Variants in SYTL2 observed in about 807,000 individuals in gnomAD.
The protein encoded by SYTL2 is synaptotagmin-like protein 2.
Under a neutral mutation model 198.7 loss-of-function variants are expected in SYTL2, and 165 were observed. The observed-to-expected ratio is 0.83, with a 90% confidence interval of 0.73 to 0.94. SYTL2 has a LOEUF of 0.94. Ranked by LOEUF, SYTL2 falls within the 40% of genes least tolerant of loss-of-function variation. The probability of loss-of-function intolerance (pLI) is 0.00; values close to 1 mark genes in which losing one functional copy is unlikely to be tolerated. For missense variants in SYTL2, 2,835 were observed against 2,582.8 expected (o/e 1.10, Z -2.12); for synonymous variants, 966 against 917.7 (o/e 1.05, Z -0.95).
the SYTL2 span, among the ~76,000 whole-genome samples, chr11:85,818,140 T>C: frequency 0.12 from 18,262 of 151,936 alleles, 1,357 homozygotes; most frequent in Middle Eastern, 0.16. Context: ...TGACCTCAAG[T>C]GATCCACCTG....
chr11:85,817,310 C>A, the SYTL2 span, among the ~76,000 whole-genome samples: 1 of 152,106 alleles, frequency 6.6e-6, no homozygotes, highest in Non-Finnish European at 1.5e-5. Flanking sequence ...GTTACTTACC[C>A]AAGGATACAC....
intron 7 of SYTL2, among the ~76,000 whole-genome samples, chr11:85,730,571 C>T (rs529710934): frequency 1.3e-5 from 2 of 152,212 alleles, no homozygotes; most frequent in East Asian, 3.9e-4. Context: ...CCTCAATAAA[C>T]TAGGTATTGA....
rs565587466 is a variant in SYTL2, at chr11:85,723,724, C to A, written c.5326+308G>T. Among the ~76,000 whole-genome samples the A allele has an allele frequency of 6.6e-5, 10 of 151,970 alleles. No homozygotes were observed. The East Asian group carries it at 1.7e-3, about 26-fold the overall frequency. ...GAAGTCAACTCAGACTCTGAAACAG[C>A]CTTATAGGAAAGCTGTTTTACGTAA... On this transcript the variant is annotated intron_variant, in intron 8 of 19. Coordinates refer to ENST00000359152, the MANE Select transcript of SYTL2 (RefSeq NM_206927.4).
intron 1 of SYTL2, among the ~76,000 whole-genome samples, chr11:85,786,108 G>A (rs183837349): frequency 6.6e-6 from 1 of 152,158 alleles, no homozygotes; most frequent in African/African-American, 2.4e-5. Context: ...CAACTTGGAT[G>A]AATCTCAAGG....
At chr11:85,835,926 A>C in the SYTL2 span, among the ~76,000 whole-genome samples, 1 of 152,154 alleles carries the variant, frequency 6.6e-6, no homozygotes, top group Non-Finnish European at 1.5e-5. Flanking sequence ...ATTTTCCCAT[A>C]ATCAGCATGT....
chr11:85,767,698 A>G (rs560829302), intron 1 of SYTL2, among the ~76,000 whole-genome samples: 58 of 152,160 alleles, frequency 3.8e-4, no homozygotes, highest in Non-Finnish European at 1.6e-4. Flanking sequence ...ATCATCTGAA[A>G]AGATTTTTCT....
In SYTL2 at chr11:85,724,029, C is replaced by T; in HGVS notation, c.5326+3G>A. On this transcript the variant is annotated splice_donor_region_variant and intron_variant, in intron 8 of 19. Coordinates refer to ENST00000359152, the MANE Select transcript of SYTL2 (RefSeq NM_206927.4). ...TGTGAGTTAAAAAATTTTAAATGCTCACTGGAAGGATTTCTCCAGCTCTCT... is the reference window on the plus strand; with the variant it reads ...TGTGAGTTAAAAAATTTTAAATGCTTACTGGAAGGATTTCTCCAGCTCTCT... 6.9e-7 allele frequency: 1 copy of T among 1,441,556 alleles called. No homozygotes were observed. Among genetic ancestry groups the T allele is most frequent in the Non-Finnish European group, 9.1e-7 (1 of 1,096,262 alleles). The allele number at this position is 1,441,556 out of a possible 1,614,324, so 89.3% of individuals were successfully genotyped here.
intron 16 of SYTL2, 120 bp downstream of exon 16, chr11:85,704,736 CTA>C (rs2084857296): frequency 1.5e-6 from 1 of 683,810 alleles, no homozygotes; most frequent in East Asian, 2.7e-5. Flanking sequence ...TTTTTTTCCT[CTA>C]GTTTAAAATT....
chr11:85,763,821 G>A (rs879485147), intron 1 of SYTL2, among the ~76,000 whole-genome samples: 9 of 152,148 alleles, frequency 5.9e-5, no homozygotes, highest in African/African-American at 1.9e-4. Flanking sequence ...GAACACTTAC[G>A]AAACCATTGT....
At chr11:85,774,962 T>C (rs1033048470) in intron 1 of SYTL2, among the ~76,000 whole-genome samples, 6 of 152,008 alleles carry the variant, frequency 3.9e-5, no homozygotes, top group Admixed American at 3.9e-4. Flanking sequence ...AATGAGGCAT[T>C]TGGACTCTGA....
intron 1 of SYTL2, among the ~76,000 whole-genome samples, chr11:85,760,353 C>T (rs2092063704): frequency 6.6e-6 from 1 of 152,220 alleles, no homozygotes; most frequent in Non-Finnish European, 1.5e-5. Flanking sequence ...ACACTTTCTC[C>T]TCCAAATACA....
chr11:85,729,218 C>G (rs2089555281), intron 7 of SYTL2, among the ~76,000 whole-genome samples: 2 of 152,182 alleles, frequency 1.3e-5, no homozygotes, highest in South Asian at 4.1e-4. Context: ...AGGATTTGAA[C>G]TAAGCTCTGG....
intron 7 of SYTL2, 39 bp downstream of exon 7, chr11:85,733,900 C>T: frequency 1.9e-6 from 3 of 1,584,214 alleles, no homozygotes; most frequent in Non-Finnish European, 2.6e-6. Flanking sequence ...CGCCCGGCCC[C>T]ACCAAGTTTT....
intron 2 of SYTL2, among the ~76,000 whole-genome samples, chr11:85,753,159 G>T (rs1203600403): frequency 6.6e-6 from 1 of 151,972 alleles, no homozygotes; most frequent in African/African-American, 2.4e-5. Flanking sequence ...CACCTTTTGA[G>T]TATGTGATTT....
chr11:85,704,918 T>C lies in SYTL2; in HGVS notation c.6129A>G (p.Glu2043=). The part of the protein sequence containing the change: ...SFLGEVELDL[E]TWDWDNKQNK... ...TCTGTTTGTTATCCCAGTCCCATGT[T>C]TCCAAATCAAGTTCCACCTCCCCTA... The change falls in exon 16 of 20, where the codon GAA becomes GAG. Residue 2043 remains glutamate, a synonymous_variant. Coordinates refer to ENST00000359152, the MANE Select transcript of SYTL2 (RefSeq NM_206927.4). 1 of 1,613,794 alleles carries C rather than the reference T, an allele frequency of 6.2e-7. No homozygotes were observed. The highest frequency in any genetic ancestry group is 8.5e-7 in the Non-Finnish European group (1 of 1,179,746).
the SYTL2 span, among the ~76,000 whole-genome samples, chr11:85,844,278 A>G: frequency 3.9e-5 from 6 of 152,364 alleles, no homozygotes; most frequent in Admixed American, 3.9e-4. Context: ...AGTGTGCTGT[A>G]TAAAGGGTAA....
the SYTL2 span, among the ~76,000 whole-genome samples, chr11:85,827,470 T>G: frequency 6.6e-6 from 1 of 152,184 alleles, no homozygotes; most frequent in African/African-American, 2.4e-5. Flanking sequence ...CATTCATTCT[T>G]TTCTGGGCCT....
At chr11:85,791,404 T>C (rs2092729291) in intron 1 of SYTL2, among the ~76,000 whole-genome samples, 1 of 152,086 alleles carries the variant, frequency 6.6e-6, no homozygotes, top group Non-Finnish European at 1.5e-5. Context: ...CAGAAAAACA[T>C]TAAACAGCAA....
chr11:85,745,978 A>T (rs944484115), intron 3 of SYTL2, among the ~76,000 whole-genome samples: 2 of 152,146 alleles, frequency 1.3e-5, no homozygotes, highest in African/African-American at 4.8e-5. Flanking sequence ...CCCCAAGCAG[A>T]GTCTCTTGAG....
Sources: allele counts gnomAD v4.1 joint callset (sites outside exome capture counted in the v4.1 genomes callset), GRCh38; gene constraint gnomAD v4.1.1; transcripts MANE v1.5; gene names NCBI Gene and HGNC (gene_info 2026-07-23, HGNC 2026-07-21).